Variants in TMEM117 observed in about 807,000 individuals in gnomAD.
The protein encoded by TMEM117 is transmembrane protein 117.
A neutral mutation model predicts 52.4 loss-of-function variants in TMEM117; 27 were observed. The ratio of observed to expected loss-of-function variants is 0.51; its 90% CI spans 0.38 to 0.71. The LOEUF (loss-of-function observed/expected upper bound fraction) is 0.71. Among genes scored for constraint, TMEM117 ranks in the 30% least tolerant of loss-of-function variants. The pLI is 0.00. For missense variants in TMEM117, 556 were observed against 630.5 expected, an observed-to-expected ratio of 0.88 and a Z score of 1.26; for synonymous variants, 215 against 206.3, an observed-to-expected ratio of 1.04 and a Z score of -0.36.
intron 2 of TMEM117, among the ~76,000 whole-genome samples, chr12:43,906,850 C>A (rs1388604550): frequency 2.6e-5 from 4 of 152,228 alleles, no homozygotes; most frequent in Non-Finnish European, 5.9e-5. Context: ...GTCCTACCCC[C>A]ACGGAGTCTC....
chr12:44,100,218 G>A (rs992744367), intron 3 of TMEM117, among the ~76,000 whole-genome samples: 7 of 151,926 alleles, frequency 4.6e-5, no homozygotes, highest in Admixed American at 3.9e-4. Context: ...CCCCATAAAC[G>A]TGCCAGATGG....
intron 5 of TMEM117, among the ~76,000 whole-genome samples, chr12:44,214,471 A>G (rs1183565012): frequency 6.6e-6 from 1 of 152,020 alleles, no homozygotes. Context: ...CCCGGCCTCA[A>G]ATGGGTTTAT....
chr12:44,103,090 A>AGT (rs1428252330), intron 3 of TMEM117, among the ~76,000 whole-genome samples: 1 of 152,050 alleles, frequency 6.6e-6, no homozygotes, highest in East Asian at 1.9e-4. Context: ...CTTTATTAGC[A>AGT]GTGTGAGAAT....
At chr12:44,124,226 G>A (rs1948285076) in intron 3 of TMEM117, among the ~76,000 whole-genome samples, 1 of 152,080 alleles carries the variant, frequency 6.6e-6, no homozygotes, top group Non-Finnish European at 1.5e-5. Context: ...GTGTACAAGA[G>A]TGCTAGCAAT....
At chr12:44,247,767 A>T (rs1950148464) in intron 5 of TMEM117, among the ~76,000 whole-genome samples, 1 of 152,164 alleles carries the variant, frequency 6.6e-6, no homozygotes, top group Admixed American at 6.5e-5. Flanking sequence ...ACAGGAAGGA[A>T]CTTTCAGAGG....
intron 6 of TMEM117, among the ~76,000 whole-genome samples, chr12:44,301,909 G>A (rs1950845134): frequency 6.6e-6 from 1 of 152,134 alleles, no homozygotes; most frequent in Admixed American, 6.5e-5. Context: ...TGAAAGAAAA[G>A]GGGAGAGAGG....
At chr12:43,911,750 T>C (rs1214771975) in intron 2 of TMEM117, among the ~76,000 whole-genome samples, 1 of 147,858 alleles carries the variant, frequency 6.8e-6, no homozygotes, top group Non-Finnish European at 1.5e-5. Flanking sequence ...GAAAAAATGC[T>C]CACCATCACT....
intron 5 of TMEM117, among the ~76,000 whole-genome samples, chr12:44,224,823 T>A (rs1592621004): frequency 6.6e-6 from 1 of 152,074 alleles, no homozygotes; most frequent in Admixed American, 6.6e-5. Context: ...AACTGGTAAT[T>A]TAAAAAAATC....
chr12:44,269,888 A>G (rs1950425787), intron 5 of TMEM117, among the ~76,000 whole-genome samples: 2 of 152,112 alleles, frequency 1.3e-5, no homozygotes, highest in Non-Finnish European at 2.9e-5. Flanking sequence ...ATCTCTGGAT[A>G]AAAAGAAATC....
At chr12:44,209,010 A>C (rs999935170) in intron 4 of TMEM117, among the ~76,000 whole-genome samples, 24 of 152,060 alleles carry the variant, frequency 1.6e-4, no homozygotes, top group Non-Finnish European at 3.2e-4. Flanking sequence ...AATTAATTAA[A>C]TCTTTTAAAA....
At chr12:44,386,757 A>G (rs1336252086) in intron 7 of TMEM117, among the ~76,000 whole-genome samples, 2 of 152,230 alleles carry the variant, frequency 1.3e-5, no homozygotes, top group East Asian at 3.9e-4. Context: ...GCTCAAGATC[A>G]CACAGCTAGT....
chr12:44,255,362 C>G, intron 5 of TMEM117, among the ~76,000 whole-genome samples: 1 of 151,894 alleles, frequency 6.6e-6, no homozygotes, highest in Admixed American at 6.6e-5. Flanking sequence ...ATTTATGCAG[C>G]CAAAAAACAC....
At chr12:44,339,917 T>C (rs973833990) in intron 6 of TMEM117, among the ~76,000 whole-genome samples, 13 of 151,982 alleles carry the variant, frequency 8.6e-5, no homozygotes, top group Non-Finnish European at 1.5e-5. Flanking sequence ...CAATTCTACA[T>C]TTAAAGTGAA....
intron 5 of TMEM117, among the ~76,000 whole-genome samples, chr12:44,218,001 A>T (rs1263323131): frequency 6.6e-6 from 1 of 152,108 alleles, no homozygotes; most frequent in African/African-American, 2.4e-5. Context: ...AGGTGGGCAG[A>T]TCTCTTGAGT....
intron 6 of TMEM117, among the ~76,000 whole-genome samples, chr12:44,375,426 AG>A (rs1156778145): frequency 6.6e-6 from 1 of 152,198 alleles, no homozygotes; most frequent in Non-Finnish European, 1.5e-5. Flanking sequence ...GGAAACTGGT[AG>A]ACATTGCAGG....
In TMEM117 at chr12:44,283,834, T is replaced by G. The variant is rs1187439590; in HGVS notation, c.609-15746T>G. The stretch of plus-strand genomic sequence containing the variant: ...CTGTGTCCCTACCCAAATCTCAACT[T>G]GAATTGTAGCTCCTAGAATTCCCAC... On this transcript the variant is annotated intron_variant, in intron 5 of 7. Transcript: ENST00000266534. Among the ~76,000 whole-genome samples the G allele has an allele frequency of 9.2e-5, 14 of 152,126 alleles. 1 individual carries two copies. Among genetic ancestry groups the G allele is most frequent in the Admixed American group, 7.9e-4 (12 of 15,270 alleles).
At chr12:43,968,879 G>T (rs1436204918) in intron 3 of TMEM117, among the ~76,000 whole-genome samples, 1 of 152,080 alleles carries the variant, frequency 6.6e-6, no homozygotes, top group African/African-American at 2.4e-5. Context: ...CTGCACATGG[G>T]GAAATAATTC....
intron 3 of TMEM117, among the ~76,000 whole-genome samples, chr12:44,106,565 C>G (rs1303963985): frequency 1.3e-5 from 2 of 151,810 alleles, no homozygotes; most frequent in Non-Finnish European, 2.9e-5. Flanking sequence ...AGATCTATTG[C>G]ACAGCATAGT....
intron 3 of TMEM117, among the ~76,000 whole-genome samples, chr12:44,013,853 CTT>C: frequency 6.6e-6 from 1 of 152,306 alleles, no homozygotes; most frequent in South Asian, 2.1e-4. Flanking sequence ...TGCCCTAAGA[CTT>C]CACTTCACTG....
Sources: allele counts gnomAD v4.1 joint callset (sites outside exome capture counted in the v4.1 genomes callset), GRCh38; gene constraint gnomAD v4.1.1; transcripts MANE v1.5; gene names NCBI Gene and HGNC (gene_info 2026-07-23, HGNC 2026-07-21).